DPP10: variants seen among roughly 807,000 people sequenced by gnomAD.
The protein encoded by DPP10 is inactive dipeptidyl peptidase 10.
A neutral mutation model predicts 120.9 loss-of-function variants in DPP10; 33 were observed. The ratio of observed to expected loss-of-function variants is 0.27; its 90% CI spans 0.21 to 0.37. The LOEUF (loss-of-function observed/expected upper bound fraction) is 0.37, where lower values mean the gene tolerates loss of function less well. Among genes scored for constraint, DPP10 ranks in the 10% least tolerant of loss-of-function variants. The pLI is 1.00. For synonymous variants in DPP10, 337 were observed against 326.1 expected (o/e 1.03, Z -0.36); for missense variants, 816 against 942.8 (o/e 0.87, Z 1.76).
At chr2:114,982,111 G>A (rs1056190303) in intron 1 of DPP10, among the ~76,000 whole-genome samples, 56 of 152,064 alleles carry the variant, frequency 3.7e-4, no homozygotes, top group Non-Finnish European at 2.4e-4. Flanking sequence ...GGCCAGGCTG[G>A]TCTCGAACTC....
intron 7 of DPP10, among the ~76,000 whole-genome samples, chr2:115,699,365 G>A (rs1227884649): frequency 6.6e-6 from 1 of 152,124 alleles, no homozygotes; most frequent in African/African-American, 2.4e-5. Context: ...TAACACCAAG[G>A]CCAAGGCGGG....
intron 1 of DPP10, among the ~76,000 whole-genome samples, chr2:114,578,864 C>A (rs1690266798): frequency 6.6e-6 from 1 of 152,062 alleles, no homozygotes; most frequent in African/African-American, 2.4e-5. Context: ...AGGAAAAAAA[C>A]CCTATGTTTG....
chr2:115,284,151 T>C (rs558230677), intron 1 of DPP10, among the ~76,000 whole-genome samples: 1 of 152,150 alleles, frequency 6.6e-6, no homozygotes. Flanking sequence ...TCTAAGTAAG[T>C]AATTGGCAGA....
At chr2:115,537,178 T>A (rs920950380) in intron 5 of DPP10, among the ~76,000 whole-genome samples, 1 of 152,104 alleles carries the variant, frequency 6.6e-6, no homozygotes, top group Non-Finnish European at 1.5e-5. Context: ...ATTTGAAACA[T>A]GTTTTTAGAA....
At chr2:115,137,010 C>G (rs1009304233) in intron 1 of DPP10, among the ~76,000 whole-genome samples, 24 of 152,116 alleles carry the variant, frequency 1.6e-4, no homozygotes, top group African/African-American at 5.6e-4. Flanking sequence ...TGGCTATTCC[C>G]TTGAATAGTC....
chr2:114,890,092 G>C (rs912423221), intron 1 of DPP10, among the ~76,000 whole-genome samples: 5 of 152,192 alleles, frequency 3.3e-5, no homozygotes, highest in Non-Finnish European at 7.3e-5. Context: ...GTCTGGTGGA[G>C]AGACAAACAT....
intron 5 of DPP10, among the ~76,000 whole-genome samples, chr2:115,653,259 T>C (rs1331393307): frequency 6.6e-6 from 1 of 151,736 alleles, no homozygotes; most frequent in African/African-American, 2.4e-5. Context: ...ATCAGACAAA[T>C]AGACAAAACA....
chr2:114,823,718 G>A (rs953959043), intron 1 of DPP10, among the ~76,000 whole-genome samples: 20 of 152,164 alleles, frequency 1.3e-4, no homozygotes, highest in Non-Finnish European at 2.8e-4. Flanking sequence ...TGTTACCAGG[G>A]CCATATGGAA....
intron 5 of DPP10, among the ~76,000 whole-genome samples, chr2:115,639,960 A>ATTT (rs35714070): frequency 1.1e-4 from 16 of 143,266 alleles, no homozygotes; most frequent in Admixed American, 7.7e-4. Context: ...CATACAGTAG[A>ATTT]TTTTTTTTTT....
At chr2:115,127,477 C>T (rs544166560) in intron 1 of DPP10, among the ~76,000 whole-genome samples, 2 of 152,200 alleles carry the variant, frequency 1.3e-5, no homozygotes, top group South Asian at 2.1e-4. Flanking sequence ...TACACTGAAA[C>T]CTAGAGTCAG....
At chr2:115,398,476 T>C (rs985282064) in intron 3 of DPP10, among the ~76,000 whole-genome samples, 10 of 152,132 alleles carry the variant, frequency 6.6e-5, no homozygotes, top group African/African-American at 2.4e-4. Flanking sequence ...TAATTATTGT[T>C]CTTATTTAAG....
chr2:115,711,068 G>T (rs2149570503), intron 7 of DPP10, among the ~76,000 whole-genome samples: 1 of 152,244 alleles, frequency 6.6e-6, no homozygotes, highest in African/African-American at 2.4e-5. Flanking sequence ...GAGGTGATAA[G>T]TCAAGAAATA....
intron 1 of DPP10, among the ~76,000 whole-genome samples, chr2:114,585,076 T>C (rs979565): frequency 1 from 151,802 of 152,334 alleles, 75,640 homozygotes; most frequent in Middle Eastern, 1. Flanking sequence ...TATTAGTTCA[T>C]AGTGCCGCAG....
chr2:115,451,868 G>T (rs2073134095), intron 3 of DPP10, among the ~76,000 whole-genome samples: 1 of 149,800 alleles, frequency 6.7e-6, no homozygotes. Flanking sequence ...AGGAGAGAAA[G>T]AATGTGTGTA....
intron 1 of DPP10, among the ~76,000 whole-genome samples, chr2:114,518,557 A>T (rs1684794313): frequency 6.6e-6 from 1 of 152,148 alleles, no homozygotes; most frequent in Non-Finnish European, 1.5e-5. Context: ...ATTTAGACTA[A>T]AATTCGTTCC....
chr2:115,068,625 T>C (rs1166826845), intron 1 of DPP10, among the ~76,000 whole-genome samples: 3 of 152,176 alleles, frequency 2.0e-5, no homozygotes, highest in African/African-American at 7.2e-5. Context: ...GGGGATCATA[T>C]CCAAAAATTA....
At chr2:115,307,689 G>A (rs1236524312) in intron 1 of DPP10, among the ~76,000 whole-genome samples, 1 of 152,026 alleles carries the variant, frequency 6.6e-6, no homozygotes, top group Non-Finnish European at 1.5e-5. Flanking sequence ...CATCATTATA[G>A]AGAATCAGCA....
intron 1 of DPP10, among the ~76,000 whole-genome samples, chr2:114,849,341 A>AT (rs980997917): frequency 3.3e-5 from 5 of 150,286 alleles, no homozygotes; most frequent in Non-Finnish European, 7.4e-5. Context: ...CTATATATAT[A>AT]TTTTTTTAAA....
chr2:115,181,515 T>G (rs1240278802), intron 1 of DPP10, among the ~76,000 whole-genome samples: 1 of 152,180 alleles, frequency 6.6e-6, no homozygotes, highest in Non-Finnish European at 1.5e-5. Flanking sequence ...TTTCTCCACA[T>G]GGGTAGTTTG....
Sources: gnomAD v4.1 joint callset for allele counts (sites outside exome capture counted in the v4.1 genomes callset) on GRCh38, gnomAD v4.1.1 for gene constraint, MANE v1.5 for transcripts, NCBI Gene and HGNC (gene_info 2026-07-23, HGNC 2026-07-21) for gene names.